Variants in ADARB2 observed in about 807,000 individuals in gnomAD.
ADARB2 encodes the protein adenosine deaminase RNA specific B2 (inactive).
Under a neutral mutation model 62.2 loss-of-function variants are expected in ADARB2, and 25 were observed. The observed-to-expected ratio is 0.40, with a 90% CI of 0.29 to 0.56. The LOEUF is 0.56. Ranked by LOEUF, ADARB2 falls within the 20% of genes least tolerant of loss-of-function variation. ADARB2 has a pLI of 0.43. For synonymous variants in ADARB2, 572 were observed against 500.8 expected, an observed-to-expected ratio of 1.14 and a Z score of -1.90; for missense variants, 1,071 against 1,077.4, an observed-to-expected ratio of 0.99 and a Z score of 0.08.
rs73592269 is a variant in ADARB2 at position 1,256,913 on chromosome 10, G to T, written c.1192+14042C>A. ...TCGATGAACGGTCTCTTCTCCTACC[G>T]AGGATGGCTGACAAGGTCTCCTCAC... is the stretch of plus-strand genomic sequence containing the variant. On this transcript the variant is annotated intron_variant, in intron 4 of 9. Transcript: ENST00000381312. Among the ~76,000 whole-genome samples, 373 of 152,282 alleles carry T rather than the reference G, an allele frequency of 2.4e-3. 5 individuals are homozygous for T. Among genetic ancestry groups the T allele is most frequent in the Non-Finnish European group, 9.6e-4 (65 of 68,024 alleles).
intron 2 of ADARB2, among the ~76,000 whole-genome samples, chr10:1,373,426 C>T (rs191831390): frequency 6.6e-6 from 1 of 152,318 alleles, no homozygotes; most frequent in Admixed American, 6.5e-5. Flanking sequence ...TGGAGGGCTC[C>T]AGCTGGTAAA....
intron 1 of ADARB2, among the ~76,000 whole-genome samples, chr10:1,473,374 G>GTTT (rs1424751896): frequency 6.6e-6 from 1 of 151,952 alleles, no homozygotes; most frequent in African/African-American, 2.4e-5. Flanking sequence ...TGTTGTTGTT[G>GTTT]TTGTTGTTTT....
chr10:1,609,709 G>C (rs907952231), intron 1 of ADARB2, among the ~76,000 whole-genome samples: 1 of 152,230 alleles, frequency 6.6e-6, no homozygotes, highest in African/African-American at 2.4e-5. Context: ...TCAACACAGG[G>C]AGCACATGGG....
chr10:1,318,867 G>C (rs1172679084), intron 3 of ADARB2, among the ~76,000 whole-genome samples: 1 of 152,156 alleles, frequency 6.6e-6, no homozygotes, highest in Admixed American at 6.5e-5. Context: ...TGGGTAAAGG[G>C]TCTGCCAGCC....
rs1014170674 is a variant in ADARB2, at chr10:1,560,844, AC to A, written c.100+176206del. Among the ~76,000 whole-genome samples the A allele has an allele frequency of 4.6e-5, 7 of 152,104 alleles. 1 individual carries two copies. In the South Asian group the frequency reaches 6.2e-4, roughly 14 times the overall value. ...CAGGGAGTTTGAAGACCTGCAGGAA[AC>A]CCTTGCCTTTGAATAAGGTACACAG... On this transcript the variant is annotated intron_variant, in intron 1 of 9. Transcript: ENST00000381312.
At chr10:1,478,941 A>G (rs1202023336) in intron 1 of ADARB2, among the ~76,000 whole-genome samples, 3 of 152,130 alleles carry the variant, frequency 2.0e-5, no homozygotes, top group Non-Finnish European at 4.4e-5. Flanking sequence ...CCCTTGGAGG[A>G]GGAGGGGCCT....
chr10:1,494,796 A>G (rs776980635), intron 1 of ADARB2, among the ~76,000 whole-genome samples: 6 of 152,188 alleles, frequency 3.9e-5, no homozygotes, highest in Non-Finnish European at 7.3e-5. Context: ...CCAAACGTTT[A>G]CCATGTGCTC....
intron 1 of ADARB2, among the ~76,000 whole-genome samples, chr10:1,536,050 G>T (rs1366775654): frequency 6.6e-6 from 1 of 152,154 alleles, no homozygotes; most frequent in Non-Finnish European, 1.5e-5. Context: ...CATCAAGCAG[G>T]CCCCAGAAAC....
In ADARB2 at chr10:1,446,683, A is replaced by G. The variant is rs139426669; in HGVS notation, c.101-67523T>C. ...ACTTGAACTCTGTGTGCCAGTTTTC[A>G]TACTTTTTAAAGGAATAATTTTTCA... On this transcript the variant is annotated intron_variant, in intron 1 of 9. Coordinates refer to ENST00000381312, the MANE Select transcript of ADARB2 (RefSeq NM_018702.4). Among the ~76,000 whole-genome samples, 80 of 152,360 alleles carry G rather than the reference A, an allele frequency of 5.3e-4. 1 individual carries two copies. The highest frequency in any genetic ancestry group is 2.2e-3 in the Admixed American group (33 of 15,308).
chr10:1,281,499 T>C, intron 3 of ADARB2, among the ~76,000 whole-genome samples: 1 of 152,240 alleles, frequency 6.6e-6, no homozygotes, highest in Non-Finnish European at 1.5e-5. Flanking sequence ...AAGATATGGA[T>C]TGGATAGCTC....
At chr10:1,191,469 C>T (rs537016844) in intron 8 of ADARB2, among the ~76,000 whole-genome samples, 1 of 152,082 alleles carries the variant, frequency 6.6e-6, no homozygotes, top group Non-Finnish European at 1.5e-5. Flanking sequence ...TGGTGGTGAG[C>T]AGGGTCGGGC....
chr10:1,400,669 G>A (rs1003052046), intron 1 of ADARB2, among the ~76,000 whole-genome samples: 2 of 152,192 alleles, frequency 1.3e-5, no homozygotes, highest in South Asian at 2.1e-4. Context: ...TGGGGACAAC[G>A]CAGTGCTCCA....
intron 1 of ADARB2, among the ~76,000 whole-genome samples, chr10:1,602,038 C>T (rs972747521): frequency 1.3e-5 from 2 of 152,124 alleles, no homozygotes; most frequent in Non-Finnish European, 1.5e-5. Flanking sequence ...TCATGGGAAC[C>T]GGTGCGTGTT....
intron 1 of ADARB2, among the ~76,000 whole-genome samples, chr10:1,465,629 T>TGAG (rs1831245036): frequency 6.6e-6 from 1 of 152,222 alleles, no homozygotes; most frequent in African/African-American, 2.4e-5. Flanking sequence ...TTACCTGTCC[T>TGAG]CAGACTGACC....
intron 4 of ADARB2, among the ~76,000 whole-genome samples, chr10:1,253,453 C>T (rs1564236591): frequency 6.6e-6 from 1 of 152,344 alleles, no homozygotes; most frequent in Non-Finnish European, 1.5e-5. Context: ...GGCCAAATAA[C>T]AATTCCAGGA....
Position 1,708,629 on chromosome 10 carries a change from G to C in ADARB2, c.100+28422C>G, listed in dbSNP as rs187698064. Among the ~76,000 whole-genome samples, 12 of 152,212 alleles carry C rather than the reference G, an allele frequency of 7.9e-5. No individual in the cohort carries two copies. In the East Asian group the frequency reaches 2.1e-3, roughly 27 times the overall value. ...GCTTTGGGGGCAGCCGGGGTCCTGG[G>C]AGACATTCAGGTTCAAGTCCTAGTT... On this transcript the variant is annotated intron_variant, in intron 1 of 9. Transcript: ENST00000381312.
intron 3 of ADARB2, among the ~76,000 whole-genome samples, chr10:1,325,261 G>A (rs1484453593): frequency 6.6e-6 from 1 of 152,178 alleles, no homozygotes. Flanking sequence ...CCCGAACGCT[G>A]GGGCCATGAC....
intron 1 of ADARB2, among the ~76,000 whole-genome samples, chr10:1,497,423 G>A (rs182404494): frequency 1.4e-3 from 213 of 152,234 alleles, no homozygotes; most frequent in African/African-American, 4.9e-3. Context: ...TAAGTTTGTG[G>A]AAATATGCAG....
intron 6 of ADARB2, 106 bp downstream of exon 6, chr10:1,233,588 C>G: frequency 8.0e-7 from 1 of 1,249,864 alleles, no homozygotes; most frequent in Non-Finnish European, 1.1e-6. Flanking sequence ...CCCAAGGGCC[C>G]CACACACCGC....
Sources: allele counts gnomAD v4.1 joint callset (sites outside exome capture counted in the v4.1 genomes callset), GRCh38; gene constraint gnomAD v4.1.1; transcripts MANE v1.5; gene names NCBI Gene and HGNC (gene_info 2026-07-23, HGNC 2026-07-21).